Variants in NOL10 observed in about 807,000 individuals in gnomAD.
NOL10 encodes nucleolar protein 10.
Under a neutral mutation model 103.5 loss-of-function variants are expected in NOL10, and 58 were observed. The ratio of observed to expected loss-of-function variants is 0.56; its 90% CI spans 0.45 to 0.70. The LOEUF (loss-of-function observed/expected upper bound fraction) is 0.70, where lower values mean the gene tolerates loss of function less well. NOL10 is among the 30% of genes least tolerant of loss of function. NOL10 has a pLI of 0.00. For missense variants in NOL10, 763 were observed against 807.3 expected, an observed-to-expected ratio of 0.95 and a Z score of 0.67; for synonymous variants, 287 against 282.5, an observed-to-expected ratio of 1.02 and a Z score of -0.16.
chr2:10,582,146 A>G (rs1316656232), intron 19 of NOL10, among the ~76,000 whole-genome samples: 1 of 152,240 alleles, frequency 6.6e-6, no homozygotes, highest in East Asian at 1.9e-4. Flanking sequence ...ATTAAAACAA[A>G]GCTGCATTAC....
intron 7 of NOL10, among the ~76,000 whole-genome samples, chr2:10,668,415 A>C (rs1431590634): frequency 1.3e-5 from 2 of 152,206 alleles, no homozygotes; most frequent in East Asian, 1.9e-4. Context: ...AATAATAATA[A>C]ACTGAGTATT....
intron 12 of NOL10, among the ~76,000 whole-genome samples, chr2:10,652,169 G>A (rs573606294): frequency 2.0e-5 from 3 of 151,964 alleles, no homozygotes; most frequent in Non-Finnish European, 4.4e-5. Context: ...GAATCCGGGA[G>A]GGGGAGGTTG....
chr2:10,664,442 G>A lies in NOL10; in HGVS notation c.592-1398C>T, dbSNP rs1226770109. 2.0e-5 allele frequency among the ~76,000 whole-genome samples: 3 copies of A among 152,242 alleles called. 1 individual carries two copies. The highest frequency in any genetic ancestry group is 4.1e-4 in the South Asian group (2 of 4,826). On this transcript the variant is annotated intron_variant, in intron 8 of 20. Coordinates refer to ENST00000381685, the MANE Select transcript of NOL10 (RefSeq NM_024894.4). ...AAACAGAATGGAGAAACTGTAGTAC[G>A]TCCATTTAAACTGAGTATTAGCCAT...
intron 13 of NOL10, among the ~76,000 whole-genome samples, chr2:10,641,151 T>A (rs1382936580): frequency 7.0e-6 from 1 of 142,434 alleles, no homozygotes; most frequent in African/African-American, 2.6e-5. Flanking sequence ...TGAAACCCCA[T>A]CTCTACTAAA....
intron 3 of NOL10, among the ~76,000 whole-genome samples, chr2:10,676,260 A>T (rs904163394): frequency 1.3e-5 from 2 of 152,222 alleles, no homozygotes; most frequent in Non-Finnish European, 2.9e-5. Context: ...GACAATCCCT[A>T]AAAACACACG....
At chr2:10,658,078 C>T (rs780269254) in intron 10 of NOL10, among the ~76,000 whole-genome samples, 187 bp from the exon 11 acceptor site, 33 of 152,142 alleles carry the variant, frequency 2.2e-4, no homozygotes, top group Non-Finnish European at 3.7e-4. Context: ...TTAGAGTATA[C>T]ATTTTATGAA....
intron 13 of NOL10, among the ~76,000 whole-genome samples, chr2:10,623,348 A>T (rs766362449): frequency 6.6e-6 from 1 of 152,118 alleles, no homozygotes; most frequent in Non-Finnish European, 1.5e-5. Flanking sequence ...GACTGAACGG[A>T]CCGGGGCTCG....
intron 13 of NOL10, among the ~76,000 whole-genome samples, chr2:10,626,083 G>C (rs1677447448): frequency 6.6e-6 from 1 of 152,026 alleles, no homozygotes; most frequent in Non-Finnish European, 1.5e-5. Context: ...ATGGGGCTGA[G>C]GTAGGAGGAT....
At chr2:10,680,528 A>G (rs531834550) in intron 3 of NOL10, among the ~76,000 whole-genome samples, 1 of 152,308 alleles carries the variant, frequency 6.6e-6, no homozygotes, top group Non-Finnish European at 1.5e-5. Context: ...TAGACAAGTC[A>G]CTTAATATCT....
rs1356997421 is a variant in NOL10, at chr2:10,668,640, A to AT, written c.530+17dup. ...TCCTGGTCAAAATGTATATAGCAGAATTACTAAAACTACTCACGCAGCATC... is the reference window on the plus strand; with the variant it reads ...TCCTGGTCAAAATGTATATAGCAGAATTTACTAAAACTACTCACGCAGCATC... On this transcript the variant is annotated intron_variant, in intron 7 of 20. Coordinates refer to ENST00000381685, the MANE Select transcript of NOL10 (RefSeq NM_024894.4). 8.8e-6 allele frequency: 11 copies of AT among 1,248,274 alleles called. No homozygotes were observed. Among genetic ancestry groups the AT allele is most frequent in the Non-Finnish European group, 1.1e-5 (10 of 939,164 alleles). 77.3% of individuals were successfully genotyped at this position (1,248,274 alleles called of 1,614,324 possible).
At chr2:10,628,147 C>T (rs998317434) in intron 13 of NOL10, among the ~76,000 whole-genome samples, 1 of 152,170 alleles carries the variant, frequency 6.6e-6, no homozygotes, top group African/African-American at 2.4e-5. Context: ...AGCTTTCTTG[C>T]ATGATCTTAC....
chr2:10,641,489 A>G (rs1358834560), intron 13 of NOL10, among the ~76,000 whole-genome samples: 2 of 152,248 alleles, frequency 1.3e-5, no homozygotes, highest in East Asian at 1.9e-4. Context: ...GTACTTTGTA[A>G]CCCACTTAGA....
intron 2 of NOL10, among the ~76,000 whole-genome samples, chr2:10,683,600 G>A (rs567113439): frequency 4.1e-4 from 62 of 152,256 alleles, no homozygotes; most frequent in Non-Finnish European, 4.9e-4. Flanking sequence ...CATTTCTCAG[G>A]GTTGTTTACA....
chr2:10,609,505 C>A (rs1010298968), intron 13 of NOL10, among the ~76,000 whole-genome samples: 2 of 150,708 alleles, frequency 1.3e-5, no homozygotes, highest in African/African-American at 4.9e-5. Context: ...GAGGCTGAGG[C>A]AGGAGAATGG....
intron 17 of NOL10, among the ~76,000 whole-genome samples, chr2:10,593,686 T>A (rs1358737744): frequency 6.6e-6 from 1 of 152,220 alleles, no homozygotes; most frequent in East Asian, 1.9e-4. Context: ...CTGGAAAGCC[T>A]GGCCCCAGCC....
At chr2:10,649,916 CTCT>C (rs897972579) in intron 12 of NOL10, among the ~76,000 whole-genome samples, 3 of 152,160 alleles carry the variant, frequency 2.0e-5, no homozygotes, top group African/African-American at 2.4e-5. Context: ...TAAAATATTA[CTCT>C]TCTTAGATTT....
rs771843411 is a variant in NOL10, at chr2:10,589,769, T to C, written c.1423-18A>G. ...GGAAGACTCTACAAGGAGGAAAAAGTACGTAAAAATTTAAGTTAATATCTG... is the reference window on the plus strand; with the variant it reads ...GGAAGACTCTACAAGGAGGAAAAAGCACGTAAAAATTTAAGTTAATATCTG... On this transcript the variant is annotated intron_variant, in intron 17 of 20. Coordinates refer to ENST00000381685, the MANE Select transcript of NOL10 (RefSeq NM_024894.4). 4 of 1,436,146 alleles carry C rather than the reference T, an allele frequency of 2.8e-6. No homozygotes were observed. The South Asian group carries it at 6.4e-5, about 23-fold the overall frequency. The allele number at this position is 1,436,146 out of a possible 1,614,324, so 89.0% of individuals were successfully genotyped here.
intron 19 of NOL10, among the ~76,000 whole-genome samples, chr2:10,586,384 C>T (rs1675023299): frequency 6.6e-6 from 1 of 151,592 alleles, no homozygotes; most frequent in African/African-American, 2.4e-5. Context: ...ACATTACTAA[C>T]AACCAGTGAA....
intron 19 of NOL10, among the ~76,000 whole-genome samples, chr2:10,587,090 T>TATATATACATATATATACAC: frequency 1.5e-5 from 1 of 64,888 alleles, no homozygotes; most frequent in African/African-American, 8.3e-5. Context: ...TATATATACA[T>TATATATACATATATATACAC]ATATATACAC....
Sources: gnomAD v4.1 joint callset for allele counts (sites outside exome capture counted in the v4.1 genomes callset) on GRCh38, gnomAD v4.1.1 for gene constraint, MANE v1.5 for transcripts, NCBI Gene and HGNC (gene_info 2026-07-23, HGNC 2026-07-21) for gene names.